CLK2: variants seen among roughly 807,000 people sequenced by gnomAD.
The protein encoded by CLK2 is CDC like kinase 2, also known as dual specificity protein kinase CLK2.
CLK2 carries 12 observed loss-of-function variants against 73.5 expected under a neutral mutation model. The observed-to-expected ratio is 0.16, with a 90% CI of 0.10 to 0.26. The LOEUF is 0.26. Among genes scored for constraint, CLK2 ranks in the 10% least tolerant of loss-of-function variants. CLK2 has a pLI of 1.00. For missense variants in CLK2, 509 were observed against 688.4 expected (o/e 0.74, Z 2.92); for synonymous variants, 232 against 237.9 (o/e 0.98, Z 0.23).
At chr1:155,264,200 T>C (rs567209479) in intron 11 of CLK2, 21 bp downstream of exon 11, 3 of 1,613,086 alleles carry the variant, frequency 1.9e-6, no homozygotes, top group East Asian at 2.2e-5. Flanking sequence ...AAGAGTTAAC[T>C]AGTGCCCCCT....
In CLK2 at chr1:155,263,202, G is replaced by A. The variant is rs774246504; in HGVS notation, c.*16C>T. ...CCACTGCTATAAAAGATGCAGGGGG[G>A]CCCAGGGCCTGATCGTCACCGACTG... On this transcript the variant is annotated 3_prime_UTR_variant, in exon 13 of 13. Coordinates refer to ENST00000368361, the MANE Select transcript of CLK2 (RefSeq NM_001294338.2). The A allele has an allele frequency of 1.2e-6, 2 of 1,606,558 alleles. No individual in the cohort carries two copies. The highest frequency in any genetic ancestry group is 1.7e-6 in the Non-Finnish European group (2 of 1,176,454).
In CLK2 at chr1:155,268,485, T is replaced by C; in HGVS notation, c.488-126A>G. On this transcript the variant is annotated intron_variant, in intron 4 of 12. Coordinates refer to ENST00000368361, the MANE Select transcript of CLK2 (RefSeq NM_001294338.2). This position sits in a 1 kb window ranked among gnomAD's most constrained non-coding sequence, Gnocchi z 5.6. The stretch of plus-strand genomic sequence containing the variant: ...AAGGAAGGGGAACAGATACAGATGG[T>C]CACAGGGGAAGAAAACCCCTGCGTG... The C allele has an allele frequency of 2.4e-6, 2 of 831,962 alleles. No individual in the cohort carries two copies. Among genetic ancestry groups the C allele is most frequent in the Non-Finnish European group, 4.0e-6 (2 of 496,278 alleles). The allele number at this position is 831,962 out of a possible 1,614,324, so 51.5% of individuals were successfully genotyped here.
intron 8 of CLK2, among the ~76,000 whole-genome samples, chr1:155,265,332 C>T (rs528114726): frequency 6.6e-6 from 1 of 152,012 alleles, no homozygotes; most frequent in African/African-American, 2.4e-5. Context: ...TCTGGGAGCC[C>T]GAGACAGGCA....
At chr1:155,269,406 G>T in intron 3 of CLK2, 82 bp downstream of exon 3, 1 of 1,259,568 alleles carries the variant, frequency 7.9e-7, no homozygotes, top group Non-Finnish European at 1.1e-6. Context: ...GTTCAGCTGA[G>T]AACAAGGATA....
intron 3 of CLK2, chr1:155,269,163 G>A: frequency 1.7e-6 from 1 of 577,832 alleles, no homozygotes; most frequent in Non-Finnish European, 3.1e-6. Flanking sequence ...ACAGAGCCCA[G>A]GGCTTGGGGG....
chr1:155,272,525 A>G (rs1673559713), intron 1 of CLK2, among the ~76,000 whole-genome samples: 1 of 152,218 alleles, frequency 6.6e-6, no homozygotes, highest in Admixed American at 6.5e-5. Context: ...GGGGTGTATG[A>G]GAATCGCGTA....
In CLK2 at chr1:155,269,579, C is replaced by T. The variant is rs1416811814; in HGVS notation, c.308G>A (p.Arg103Gln). 6 of 1,614,096 alleles carry T rather than the reference C, an allele frequency of 3.7e-6. No homozygotes were observed. The highest frequency in any genetic ancestry group is 2.5e-6 in the Non-Finnish European group (3 of 1,180,054). ...CTGGCTGCGGTAACTGCTGTTCTCC[C>T]GCTGATATTCATAGGAATGCCGATA... Reference protein sequence around the residue: ...TDYRHSYEYQRENSSYRSQRS... With the variant: ...TDYRHSYEYQQENSSYRSQRS... Residue 103 changes from arginine to glutamine, a missense_variant, in exon 3 of 13, where the codon CGG (arginine) becomes CAG (glutamine). Physicochemically the swap from Arg to Gln is conservative, Grantham distance 43 (BLOSUM62 1). Around this residue, in one of 6 missense-constraint regions of CLK2, gnomAD observed 222 missense variants for 221.7 expected, o/e 1.00. Coordinates refer to ENST00000368361, the MANE Select transcript of CLK2 (RefSeq NM_001294338.2).
chr1:155,263,668 A>T (rs1673092781), intron 12 of CLK2: 1 of 985,208 alleles, frequency 1.0e-6, no homozygotes, highest in Admixed American at 6.1e-5. Flanking sequence ...CCTCATTAAA[A>T]TGTAAGCTCT....
At position 155,266,732 on chromosome 1, in the gene CLK2, T is replaced by C; in HGVS notation, c.835A>G (p.Lys279Glu). Residue 279 changes from lysine to glutamate, a missense_variant, in exon 7 of 13, where the codon AAG becomes GAG. By Grantham distance (56) the Lys-to-Glu change is moderately conservative. Transcript: ENST00000368361. Reference protein sequence around the residue: ...HMAFQLCQAVKFLHDNKLTHT... With the variant: ...HMAFQLCQAVEFLHDNKLTHT... ...CACTTCGGCCCACCCCACTCACACT[T>C]GACAGCCTGGCACAGCTGGAAGGCC... is the stretch of plus-strand genomic sequence containing the variant. 1 of 1,611,622 alleles carries C rather than the reference T, an allele frequency of 6.2e-7. No individual in the cohort carries two copies. Among genetic ancestry groups the C allele is most frequent in the Non-Finnish European group, 8.5e-7 (1 of 1,179,212 alleles).
intron 8 of CLK2, among the ~76,000 whole-genome samples, chr1:155,265,020 C>T (rs921903355): frequency 5.3e-5 from 8 of 152,136 alleles, no homozygotes; most frequent in Non-Finnish European, 1.0e-4. Context: ...GAAGACTACA[C>T]TCAAGTGCCA....
chr1:155,270,468 C>T (rs1673442629), intron 2 of CLK2, among the ~76,000 whole-genome samples: 1 of 152,172 alleles, frequency 6.6e-6, no homozygotes, highest in Non-Finnish European at 1.5e-5. Flanking sequence ...CCTGTAGCTC[C>T]CAGTCCTTTG....
chr1:155,263,687 A>G (rs1272013989), intron 12 of CLK2: 1 of 985,204 alleles, frequency 1.0e-6, no homozygotes, highest in Non-Finnish European at 1.2e-6. Context: ...CTTCAAAGGT[A>G]GTTTATTCTT....
intron 3 of CLK2, chr1:155,269,006 C>CAA (rs1300358242): frequency 3.3e-6 from 2 of 609,602 alleles, no homozygotes; most frequent in Non-Finnish European, 5.9e-6. Flanking sequence ...TCCCCAAACC[C>CAA]AAAACAGGAA....
intron 1 of CLK2, among the ~76,000 whole-genome samples, chr1:155,272,586 T>C (rs1673562777): frequency 6.6e-6 from 1 of 152,138 alleles, no homozygotes; most frequent in Non-Finnish European, 1.5e-5. Context: ...GTATCACTTC[T>C]TCCCAACCTC....
At position 155,266,720 on chromosome 1, in the gene CLK2, C is replaced by T. The variant is rs778888585; in HGVS notation, c.838+9G>A. On this transcript the variant is annotated intron_variant, in intron 7 of 12. Transcript: ENST00000368361. ...TGCCCCAGAGTCCACTTCGGCCCAC[C>T]CCACTCACACTTGACAGCCTGGCAC... The T allele has an allele frequency of 3.7e-6, 6 of 1,609,310 alleles. No homozygotes were observed. The highest frequency in any genetic ancestry group is 1.3e-5 in the African/African-American group (1 of 74,820).
Position 155,265,946 on chromosome 1 carries a change from C to A in CLK2, c.847G>T (p.Asp283Tyr), listed in dbSNP as rs1673211463. ...QLCQAVKFLH[D>Y]NKLTHTDLKP... ...AGGTCTGTATGTGTCAGCTTGTTAT[C>A]ATGGAGGACTGTAGGGGAGAAGGCC... is the stretch of plus-strand genomic sequence containing the variant. The change falls in exon 8 of 13, where the codon GAT becomes TAT. Residue 283 changes from aspartate (D) to tyrosine (Y), a missense_variant. Physicochemically the swap from Asp to Tyr is radical, Grantham distance 160. Transcript: ENST00000368361. 2 of 1,611,446 alleles carry A rather than the reference C, an allele frequency of 1.2e-6. No individual in the cohort carries two copies. Among genetic ancestry groups the A allele is most frequent in the South Asian group, 1.1e-5 (1 of 91,050 alleles).
intron 1 of CLK2, among the ~76,000 whole-genome samples, chr1:155,271,844 T>C (rs1673524260): frequency 6.6e-6 from 1 of 152,102 alleles, no homozygotes; most frequent in African/African-American, 2.4e-5. Context: ...CGCCAAATAC[T>C]ATCAGCTCCA....
At chr1:155,263,655 GTT>G (rs1401972965) in intron 12 of CLK2, 14 of 984,692 alleles carry the variant, frequency 1.4e-5, no homozygotes, top group Non-Finnish European at 1.7e-5. Context: ...ATCTTCTTTA[GTT>G]CCTCATTAAA....
At position 155,262,982 on chromosome 1, in the gene CLK2, G is replaced by A. The variant is rs1673040819; in HGVS notation, c.*236C>T. The stretch of plus-strand genomic sequence containing the variant: ...ACTCGGCCCCCATCCAACTCCGTAT[G>A]AGGGGGCAGGTGAGGGTGGAAACTG... On this transcript the variant is annotated 3_prime_UTR_variant, in exon 13 of 13. Coordinates refer to ENST00000368361, the MANE Select transcript of CLK2 (RefSeq NM_001294338.2). 2.3e-6 allele frequency: 1 copy of A among 444,266 alleles called. No homozygotes were observed. Among genetic ancestry groups the A allele is most frequent in the Non-Finnish European group, 3.9e-6 (1 of 253,732 alleles). The allele number at this position is 444,266 out of a possible 1,614,324, so 27.5% of individuals were successfully genotyped here.
Sources: allele counts gnomAD v4.1 joint callset (sites outside exome capture counted in the v4.1 genomes callset), GRCh38; gene constraint gnomAD v4.1.1; regional missense constraint gnomAD v4.1.1; non-coding constraint Gnocchi (gnomAD v3.1); transcripts MANE v1.5; gene names NCBI Gene and HGNC (gene_info 2026-07-23, HGNC 2026-07-21).